Variants in AFF3 observed in about 807,000 individuals in gnomAD.
The protein encoded by AFF3 is ALF transcription elongation factor 3.
A neutral mutation model predicts 129.7 loss-of-function variants in AFF3; 32 were observed. That is an observed-to-expected ratio of 0.25 (90% CI 0.19 to 0.33). The LOEUF is 0.33. Ranked by LOEUF, AFF3 falls within the 10% of genes least tolerant of loss-of-function variation. The probability of loss-of-function intolerance (pLI) is 1.00; values close to 1 mark genes in which losing one functional copy is unlikely to be tolerated. For missense variants in AFF3, 1,373 were observed against 1,592.0 expected, an observed-to-expected ratio of 0.86 and a Z score of 2.34; for synonymous variants, 644 against 635.4, an observed-to-expected ratio of 1.01 and a Z score of -0.20.
In AFF3 at chr2:99,639,769, CCT is replaced by C. The variant is rs1188892624; in HGVS notation, c.1184+9855_1184+9856del. ...GGAGTGCAATCTCGGCTCACTGCAACCTCTGTTTCCTGGGTTCAAGTGATTCT... is the reference window on the plus strand; with the variant it reads ...GGAGTGCAATCTCGGCTCACTGCAACCTGTTTCCTGGGTTCAAGTGATTCT... On this transcript the variant is annotated intron_variant, in intron 13 of 24. Coordinates refer to ENST00000672756, the MANE Select transcript of AFF3 (RefSeq NM_001386135.1). 2.0e-5 allele frequency among the ~76,000 whole-genome samples: 3 copies of C among 151,332 alleles called. No homozygotes were observed. In the East Asian group the frequency reaches 5.8e-4, roughly 29 times the overall value.
intron 7 of AFF3, among the ~76,000 whole-genome samples, chr2:99,853,116 A>G (rs968193032): frequency 1.3e-5 from 2 of 152,230 alleles, no homozygotes; most frequent in East Asian, 3.8e-4. Context: ...AAAGGCTCTG[A>G]AAGAAATGAT....
At chr2:99,820,870 CT>C (rs869085194) in intron 8 of AFF3, among the ~76,000 whole-genome samples, 245 of 101,720 alleles carry the variant, frequency 2.4e-3, no homozygotes, top group African/African-American at 3.1e-3. Flanking sequence ...TCCTCCACAT[CT>C]TTTTTTTTTT....
intron 4 of AFF3, among the ~76,000 whole-genome samples, chr2:100,058,134 GTAAC>G (rs1686956246): frequency 6.6e-6 from 1 of 152,176 alleles, no homozygotes; most frequent in South Asian, 2.1e-4. Flanking sequence ...CATTTACTGA[GTAAC>G]TAAGATATGC....
At chr2:99,657,061 C>G (rs1191761656) in intron 12 of AFF3, among the ~76,000 whole-genome samples, 1 of 152,156 alleles carries the variant, frequency 6.6e-6, no homozygotes, top group Non-Finnish European at 1.5e-5. Flanking sequence ...GAGGACTGCT[C>G]TGTGCAAATA....
chr2:99,924,791 A>C (rs1043804857), intron 7 of AFF3, among the ~76,000 whole-genome samples: 2 of 152,174 alleles, frequency 1.3e-5, no homozygotes, highest in African/African-American at 4.8e-5. Flanking sequence ...CAGATTTAGG[A>C]ATTATTAAAA....
intron 8 of AFF3, among the ~76,000 whole-genome samples, chr2:99,823,052 T>C (rs1180686367): frequency 6.6e-6 from 1 of 152,164 alleles, no homozygotes; most frequent in African/African-American, 2.4e-5. Context: ...CCCTTCATGC[T>C]TTCCCTCTGG....
chr2:99,695,947 A>C (rs1676203387), intron 11 of AFF3, among the ~76,000 whole-genome samples: 1 of 137,712 alleles, frequency 7.3e-6, no homozygotes, highest in African/African-American at 2.9e-5. Context: ...TGAAAAAAAA[A>C]AAAAAAAAAA....
In AFF3 at chr2:99,956,492, A is replaced by G. The variant is rs919885130; in HGVS notation, c.873+50140T>C. Among the ~76,000 whole-genome samples, 28 of 152,352 alleles carry G rather than the reference A, an allele frequency of 1.8e-4. No individual in the cohort carries two copies. The South Asian group carries it at 5.2e-3, about 28-fold the overall frequency. Reference sequence around the variant, plus strand: ...ATAACTTAAGCATAAGCTGACTGACACAAAGCCTAACATCCAGTTTTTACA... The same window carrying G: ...ATAACTTAAGCATAAGCTGACTGACGCAAAGCCTAACATCCAGTTTTTACA... On this transcript the variant is annotated intron_variant, in intron 7 of 24. Coordinates refer to ENST00000672756, the MANE Select transcript of AFF3 (RefSeq NM_001386135.1).
chr2:99,651,141 C>CCAGCCTGGGCT (rs1685211655), intron 12 of AFF3, among the ~76,000 whole-genome samples: 2 of 149,342 alleles, frequency 1.3e-5, no homozygotes, highest in African/African-American at 2.5e-5. Flanking sequence ...CCATTGTACT[C>CCAGCCTGGGCT]CAGCCTGGGC....
At chr2:100,027,749 G>A (rs1265609712) in intron 4 of AFF3, among the ~76,000 whole-genome samples, 2 of 152,078 alleles carry the variant, frequency 1.3e-5, no homozygotes, top group South Asian at 2.1e-4. Flanking sequence ...AGATAAAAAT[G>A]TGTTCCCTGT....
intron 16 of AFF3, 85 bp downstream of exon 16, chr2:99,587,069 G>A: frequency 6.4e-7 from 1 of 1,571,168 alleles, no homozygotes; most frequent in South Asian, 1.2e-5. Context: ...TCCTCAAAAA[G>A]CCTGACCCTC....
rs1679019235 is a variant in AFF3 at position 99,593,956 on chromosome 2, A to C, written c.1705T>G (p.Cys569Gly). ...GCGGGCGCGTTCTCCGCGGGCGCAC[A>C]GGGCACTGCGGGTGGCGGGGCGGCT... The part of the protein sequence containing the change: ...SAAAPPPAVP[C>G]APAENAPAPA... Residue 569 changes from cysteine (C) to glycine (G), a missense_variant, in exon 15 of 25, where the codon TGT becomes GGT. By Grantham distance (159) the Cys-to-Gly change is radical (BLOSUM62 -3). Around this residue, in one of 9 missense-constraint regions of AFF3, gnomAD observed 413 missense variants for 424.4 expected, o/e 0.97. Coordinates refer to ENST00000672756, the MANE Select transcript of AFF3 (RefSeq NM_001386135.1). The C allele has an allele frequency of 6.9e-7, 1 of 1,453,504 alleles. No individual in the cohort carries two copies. The highest frequency in any genetic ancestry group is 1.5e-5 in the African/African-American group (1 of 68,478). The allele number at this position is 1,453,504 out of a possible 1,614,324, so 90.0% of individuals were successfully genotyped here.
chr2:100,131,639 T>C (rs1222761957), intron 1 of AFF3, among the ~76,000 whole-genome samples: 2 of 152,078 alleles, frequency 1.3e-5, no homozygotes, highest in East Asian at 3.9e-4. Flanking sequence ...TTTGTATTTT[T>C]AGTAGAGACG....
At chr2:99,952,314 T>C (rs62149263) in intron 7 of AFF3, among the ~76,000 whole-genome samples, 14,182 of 152,242 alleles carry the variant, frequency 0.093, 911 homozygotes, top group Non-Finnish European at 0.13. Flanking sequence ...CCTTCCACCA[T>C]GATGGTAAGT....
intron 8 of AFF3, among the ~76,000 whole-genome samples, chr2:99,812,377 A>T (rs1056871062): frequency 1.3e-5 from 2 of 152,092 alleles, no homozygotes; most frequent in African/African-American, 4.8e-5. Context: ...AGAGGCTGAA[A>T]AGTCATGATC....
At chr2:99,994,695 A>G (rs1329491731) in intron 7 of AFF3, among the ~76,000 whole-genome samples, 1 of 152,242 alleles carries the variant, frequency 6.6e-6, no homozygotes, top group Non-Finnish European at 1.5e-5. Context: ...AAAGGTATGA[A>G]AGAAAATGAT....
chr2:99,955,838 T>C (rs1391827283), intron 7 of AFF3, among the ~76,000 whole-genome samples: 1 of 152,206 alleles, frequency 6.6e-6, no homozygotes, highest in Non-Finnish European at 1.5e-5. Context: ...AAATCTCTCC[T>C]TTTGGCCTTT....
intron 13 of AFF3, among the ~76,000 whole-genome samples, chr2:99,610,050 C>T (rs1312812042): frequency 6.6e-6 from 1 of 152,194 alleles, no homozygotes; most frequent in Non-Finnish European, 1.5e-5. Flanking sequence ...TCCATCATCT[C>T]CCCACCATGC....
At chr2:99,888,843 C>A (rs555441738) in intron 7 of AFF3, among the ~76,000 whole-genome samples, 23 of 152,212 alleles carry the variant, frequency 1.5e-4, no homozygotes, top group African/African-American at 5.1e-4. Context: ...GGCAACAAGA[C>A]ACTTAATCAA....
Sources: gnomAD v4.1 joint callset for allele counts (sites outside exome capture counted in the v4.1 genomes callset) on GRCh38, gnomAD v4.1.1 for gene constraint, gnomAD v4.1.1 regional missense constraint, MANE v1.5 for transcripts, NCBI Gene and HGNC (gene_info 2026-07-23, HGNC 2026-07-21) for gene names.